The following PACRGL variants were observed in gnomAD, a reference collection of about 807,000 sequenced individuals.
PACRGL encodes PACRG-like protein.
PACRGL carries 38 observed loss-of-function variants against 34.5 expected under a neutral mutation model. The ratio of observed to expected loss-of-function variants is 1.10; its 90% CI spans 0.85 to 1.44. PACRGL has a LOEUF of 1.44. PACRGL is among the 40% of genes most tolerant of loss of function. PACRGL has a pLI of 0.00. For missense variants in PACRGL, 305 were observed against 281.4 expected (o/e 1.08, Z -0.60); for synonymous variants, 128 against 100.1 (o/e 1.28, Z -1.66).
chr4:20,721,384 G>A (rs538227165), intron 7 of PACRGL, among the ~76,000 whole-genome samples: 1 of 152,292 alleles, frequency 6.6e-6, no homozygotes, highest in South Asian at 2.1e-4. Flanking sequence ...GTGTTCCTTT[G>A]GAGGGGGAGA....
At chr4:20,704,989 T>C (rs1433371126) in intron 3 of PACRGL, among the ~76,000 whole-genome samples, 175 bp downstream of exon 3, 1 of 152,002 alleles carries the variant, frequency 6.6e-6, no homozygotes, top group Non-Finnish European at 1.5e-5. Context: ...CATGTGGGAG[T>C]GAGTATGGAG....
rs1246055635 is a variant in PACRGL, at chr4:20,704,702, A to G, written c.95A>G (p.His32Arg). ...QRTSSSTQLK[H>R]RNAVQGSKSS... Reference sequence around the variant, plus strand: ...ACATCATCAAGCACACAGTTAAAACACAGGAATGCAGTTCAGGGAAGCAAA... The same window carrying G: ...ACATCATCAAGCACACAGTTAAAACGCAGGAATGCAGTTCAGGGAAGCAAA... The change falls in exon 3 of 9, where the codon CAC becomes CGC. Residue 32 changes from histidine to arginine, a missense_variant. By Grantham distance (29) the His-to-Arg change is conservative. Coordinates refer to ENST00000503585, the MANE Select transcript of PACRGL (RefSeq NM_001258345.3). 1.9e-6 allele frequency: 3 copies of G among 1,614,036 alleles called. No homozygotes were observed. The highest frequency in any genetic ancestry group is 2.5e-6 in the Non-Finnish European group (3 of 1,180,010).
intron 3 of PACRGL, among the ~76,000 whole-genome samples, chr4:20,705,645 A>G (rs1734171521): frequency 1.3e-5 from 2 of 152,024 alleles, no homozygotes; most frequent in East Asian, 1.9e-4. Context: ...GCTTATGTTT[A>G]GTTGAGGGAG....
intron 7 of PACRGL, among the ~76,000 whole-genome samples, chr4:20,721,170 C>G (rs1742935584): frequency 6.6e-6 from 1 of 152,156 alleles, no homozygotes; most frequent in Non-Finnish European, 1.5e-5. Context: ...TGGTGTTCAG[C>G]TCCATCAGGT....
chr4:20,765,600 G>A, the PACRGL span, among the ~76,000 whole-genome samples: 1 of 152,168 alleles, frequency 6.6e-6, no homozygotes, highest in South Asian at 2.1e-4. Flanking sequence ...ATGGGCTGAG[G>A]AAAATGTTCT....
downstream of PACRGL, chr4:20,732,621 C>A (rs1008962087): frequency 1.0e-5 from 11 of 1,067,916 alleles, no homozygotes; most frequent in East Asian, 2.4e-5. Context: ...TGGTGCATGG[C>A]AAACATCAGG....
At chr4:20,756,522 T>A (rs986269157), downstream of PACRGL, among the ~76,000 whole-genome samples, 2 of 152,190 alleles carry the variant, frequency 1.3e-5, no homozygotes, top group African/African-American at 2.4e-5. Context: ...TACCCAGCAC[T>A]ATGATCAGTT....
At chr4:20,749,184 C>A (rs1428063128) in intron 8 of PACRGL, among the ~76,000 whole-genome samples, 2 of 125,094 alleles carry the variant, frequency 1.6e-5, no homozygotes, top group African/African-American at 5.7e-5. Context: ...ACGTTCTCTA[C>A]AGATCACTTA....
At chr4:20,710,496 CAA>C (rs1315202482) in intron 5 of PACRGL, among the ~76,000 whole-genome samples, 2 of 152,092 alleles carry the variant, frequency 1.3e-5, no homozygotes, top group Admixed American at 6.6e-5. Flanking sequence ...TAGTAAGAAA[CAA>C]ATGATTAGAG....
At chr4:20,739,084 G>C (rs1750425031) in intron 8 of PACRGL, among the ~76,000 whole-genome samples, 1 of 152,188 alleles carries the variant, frequency 6.6e-6, no homozygotes, top group Non-Finnish European at 1.5e-5. Context: ...AAAGCAGCCA[G>C]GAAGCTCAAA....
chr4:20,697,309 G>A (rs988277164), upstream of PACRGL, among the ~76,000 whole-genome samples: 1 of 152,100 alleles, frequency 6.6e-6, no homozygotes, highest in Non-Finnish European at 1.5e-5. Flanking sequence ...AAAAGGCAGA[G>A]ATTTTCTTTA....
chr4:20,766,731 A>G, the PACRGL span: 5 of 152,238 alleles, frequency 3.3e-5, no homozygotes, highest in African/African-American at 4.8e-5. Flanking sequence ...CCTGAGGTCT[A>G]GGACTAAGCT....
chr4:20,730,211 C>T lies in PACRGL; in HGVS notation c.*2870C>T, dbSNP rs533708266. 8.4e-5 allele frequency: 123 copies of T among 1,467,696 alleles called. No individual in the cohort carries two copies. The highest frequency in any genetic ancestry group is 1.0e-4 in the Non-Finnish European group (113 of 1,100,602). 90.9% of individuals were successfully genotyped at this position (1,467,696 alleles called of 1,614,324 possible). A position where few individuals can be genotyped will look rare whatever the true frequency, so the allele number is the denominator to read the frequency against. ...CTATTTTGCCCCTGAGTATTGCCTC[C>T]TCCCATCAACCACCTCAACCACCTA... On this transcript the variant is annotated 3_prime_UTR_variant, in exon 9 of 9. Transcript: ENST00000503585.
At chr4:20,749,752 G>A in intron 8 of PACRGL, 1 of 1,537,808 alleles carries the variant, frequency 6.5e-7, no homozygotes, top group Non-Finnish European at 9.0e-7. Context: ...TAAAAAGGGA[G>A]TATCATTAAG....
intron 8 of PACRGL, among the ~76,000 whole-genome samples, chr4:20,745,926 C>A (rs1315313507): frequency 2.0e-5 from 3 of 152,116 alleles, no homozygotes; most frequent in Non-Finnish European, 4.4e-5. Context: ...GAAAAATTCC[C>A]CCAACTAGTG....
chr4:20,704,581 A>AC lies in PACRGL; in HGVS notation c.52+49dup, dbSNP rs760252850. On this transcript the variant is annotated intron_variant, in intron 2 of 8. Coordinates refer to ENST00000503585, the MANE Select transcript of PACRGL (RefSeq NM_001258345.3). ...TGAAGAGGTCAAGTTTGTTCATGGC[A>AC]CTTTCTGTGCTACAGATGGATGCAG... 2.5e-6 allele frequency: 4 copies of AC among 1,613,116 alleles called. No homozygotes were observed. The South Asian group carries it at 4.4e-5, about 18-fold the overall frequency.
intron 1 of PACRGL, among the ~76,000 whole-genome samples, chr4:20,701,262 T>A (rs1732039756): frequency 6.6e-6 from 1 of 152,122 alleles, no homozygotes; most frequent in Admixed American, 6.5e-5. Flanking sequence ...TGATAGAAAG[T>A]ACACTTTCCT....
rs780863469 is a variant in PACRGL at position 20,732,039 on chromosome 4, A to T, written c.*4698A>T. ...AGCTTTCAATGAACTCATCTATGGT[A>T]ACAACCCCATCTTTATTTTTGTCCA... On this transcript the variant is annotated 3_prime_UTR_variant, in exon 9 of 9. Coordinates refer to ENST00000503585, the MANE Select transcript of PACRGL (RefSeq NM_001258345.3). 6.2e-7 allele frequency: 1 copy of T among 1,613,304 alleles called. No homozygotes were observed. Among genetic ancestry groups the T allele is most frequent in the East Asian group, 2.2e-5 (1 of 44,852 alleles).
rs1746304181 is a variant in PACRGL, at chr4:20,727,569, TG to T, written c.*229del. ...GAGTACAATTTTGAGGTTTATTTTT[TG>T]TATTTTTATTATTTGTGCGAAGAAC... On this transcript the variant is annotated 3_prime_UTR_variant, in exon 9 of 9. Coordinates refer to ENST00000503585, the MANE Select transcript of PACRGL (RefSeq NM_001258345.3). 7.5e-6 allele frequency: 3 copies of T among 399,942 alleles called. No homozygotes were observed. The highest frequency in any genetic ancestry group is 1.3e-5 in the Non-Finnish European group (3 of 222,654). The allele number at this position is 399,942 out of a possible 1,614,324, so 24.8% of individuals were successfully genotyped here. A position where few individuals can be genotyped will look rare whatever the true frequency, so the allele number is the denominator to read the frequency against.
Sources: allele counts gnomAD v4.1 joint callset (sites outside exome capture counted in the v4.1 genomes callset), GRCh38; gene constraint gnomAD v4.1.1; transcripts MANE v1.5; gene names NCBI Gene and HGNC (gene_info 2026-07-23, HGNC 2026-07-21).